Variants in CPAMD8 observed in about 807,000 individuals in gnomAD.
CPAMD8 encodes the protein C3 and PZP like alpha-2-macroglobulin domain containing 8, also known as C3 and PZP-like alpha-2-macroglobulin domain-containing protein 8.
A neutral mutation model predicts 224.7 loss-of-function variants in CPAMD8; 146 were observed. The observed-to-expected ratio is 0.65, with a 90% CI of 0.57 to 0.75. The LOEUF is 0.75. Ranked by LOEUF, CPAMD8 falls within the 30% of genes least tolerant of loss-of-function variation. CPAMD8 has a pLI of 0.00. For synonymous variants in CPAMD8, 966 were observed against 1,044.6 expected (o/e 0.92, Z 1.45); for missense variants, 2,301 against 2,537.5 (o/e 0.91, Z 2.00).
At chr19:16,908,885 A>G (rs2052620212) in intron 29 of CPAMD8, among the ~76,000 whole-genome samples, 1 of 152,146 alleles carries the variant, frequency 6.6e-6, no homozygotes. Context: ...TCCCAGGGGC[A>G]GGAACAGTGA....
chr19:16,998,457 C>G (rs145690275), intron 10 of CPAMD8, among the ~76,000 whole-genome samples: 1 of 152,020 alleles, frequency 6.6e-6, no homozygotes, highest in African/African-American at 2.4e-5. Flanking sequence ...GAGACTCCAT[C>G]TCAATAAATA....
intron 15 of CPAMD8, among the ~76,000 whole-genome samples, chr19:16,976,533 C>T (rs906728638): frequency 6.6e-6 from 1 of 152,036 alleles, no homozygotes; most frequent in Non-Finnish European, 1.5e-5. Flanking sequence ...CCAGAGGCAT[C>T]TCTTCTGCCC....
chr19:16,904,478 C>T lies in CPAMD8; in HGVS notation c.4102G>A (p.Val1368Ile), dbSNP rs144658452. ...GGGTGGCCAGTACCTGACTGAGAGA[C>T]CCTGTCACTGAAGCTCAAGAATGTG... Reference protein sequence around the residue: ...KGTFLSFSDRVSQSVVSAEVE... With the variant: ...KGTFLSFSDRISQSVVSAEVE... Residue 1368 changes from valine (V) to isoleucine (I), a missense_variant, in exon 31 of 42, where the codon GTC becomes ATC. Coordinates refer to ENST00000443236, the MANE Select transcript of CPAMD8 (RefSeq NM_015692.5). The T allele has an allele frequency of 6.2e-7, 1 of 1,614,118 alleles. No homozygotes were observed. Among genetic ancestry groups the T allele is most frequent in the Non-Finnish European group, 8.5e-7 (1 of 1,179,950 alleles).
Position 17,005,538 on chromosome 19 carries a change from C to T in CPAMD8, c.560-1152G>A, listed in dbSNP as rs115279943. Among the ~76,000 whole-genome samples the T allele has an allele frequency of 2.2e-3, 336 of 152,238 alleles. 1 individual carries two copies. The highest frequency in any genetic ancestry group is 7.7e-3 in the African/African-American group (318 of 41,538). ...TGCGCCTGTGCCTCTGAGCCCCGTCCGCAGCTGTTTTCACTGGGAGCCATG... is the reference window on the plus strand; with the variant it reads ...TGCGCCTGTGCCTCTGAGCCCCGTCTGCAGCTGTTTTCACTGGGAGCCATG... On this transcript the variant is annotated intron_variant, in intron 7 of 41. Transcript: ENST00000443236.
rs199701977 is a variant in CPAMD8, at chr19:16,903,646, G to C, written c.4408-23C>G. 5.5e-5 allele frequency: 89 copies of C among 1,614,110 alleles called. 1 individual carries two copies. The East Asian group carries it at 1.7e-3, about 32-fold the overall frequency. On this transcript the variant is annotated intron_variant, in intron 33 of 41. Transcript: ENST00000443236. ...GATCTGGAGACAGAAGTCACCGTGA[G>C]GCCCTGCTGACCCCTCCTCCAACAA... is the stretch of plus-strand genomic sequence containing the variant.
At chr19:16,904,176 A>AGGGGCCC in intron 32 of CPAMD8, 50 bp downstream of exon 32, 71 of 937,298 alleles carry the variant, frequency 7.6e-5, no homozygotes, top group Non-Finnish European at 1.1e-4. Context: ...GACTGCAGGG[A>AGGGGCCC]CCCCACCCAC....
At position 16,938,186 on chromosome 19, in the gene CPAMD8, T is replaced by C. The variant is rs2053761420; in HGVS notation, c.2845+209A>G. On this transcript the variant is annotated intron_variant, in intron 23 of 41. Coordinates refer to ENST00000443236, the MANE Select transcript of CPAMD8 (RefSeq NM_015692.5). ...ATTCCCTGAGTATTCATTCCCTGTG[T>C]ATTCATTCATTCATGCCCCACCCTC... Among the ~76,000 whole-genome samples the C allele has an allele frequency of 2.0e-5, 3 of 152,186 alleles. No individual in the cohort carries two copies. In the South Asian group the frequency reaches 6.2e-4, roughly 31 times the overall value.
In CPAMD8 at chr19:16,920,372, C is replaced by T. The variant is rs145040643; in HGVS notation, c.3629+1533G>A. Among the ~76,000 whole-genome samples the T allele has an allele frequency of 1.3e-3, 195 of 152,168 alleles. 2 individuals are homozygous for T. In the East Asian group the frequency reaches 0.033, roughly 25 times the overall value. ...GCGGGCGCCTGTATTCCCAGCTACT[C>T]GGGAGGCTGAGGCAGGAGAATGGCG... On this transcript the variant is annotated intron_variant, in intron 27 of 41. Transcript: ENST00000443236.
At chr19:16,919,890 C>T (rs1054272535) in intron 27 of CPAMD8, among the ~76,000 whole-genome samples, 4 of 152,150 alleles carry the variant, frequency 2.6e-5, no homozygotes, top group Admixed American at 1.3e-4. Context: ...GCTAACAGGA[C>T]GGCACTGCAC....
intron 27 of CPAMD8, among the ~76,000 whole-genome samples, chr19:16,915,413 G>GC (rs2052911502): frequency 6.6e-6 from 1 of 152,130 alleles, no homozygotes; most frequent in South Asian, 2.1e-4. Flanking sequence ...AAAAAAACGA[G>GC]CCCCAGTGCA....
chr19:16,972,329 A>G (rs957460966), intron 17 of CPAMD8, among the ~76,000 whole-genome samples: 8 of 152,130 alleles, frequency 5.3e-5, no homozygotes, highest in African/African-American at 1.9e-4. Flanking sequence ...ATGCCCGGCT[A>G]TGCAATTAGT....
intron 29 of CPAMD8, among the ~76,000 whole-genome samples, chr19:16,908,996 G>A (rs2052625297): frequency 6.6e-6 from 1 of 152,232 alleles, no homozygotes; most frequent in South Asian, 2.1e-4. Context: ...CAGCTGTGCA[G>A]ATCCTCCCGT....
At chr19:16,950,087 C>T (rs2054249681) in intron 20 of CPAMD8, among the ~76,000 whole-genome samples, 1 of 152,024 alleles carries the variant, frequency 6.6e-6, no homozygotes, top group Non-Finnish European at 1.5e-5. Context: ...GGCTTAAGGT[C>T]AGGAGTTCGA....
At chr19:17,026,483 C>T in intron 1 of CPAMD8, 68 bp downstream of exon 1, 3 of 1,426,834 alleles carry the variant, frequency 2.1e-6, no homozygotes, top group Non-Finnish European at 2.7e-6. Flanking sequence ...CTGCAACACT[C>T]TGAGCCAGTA....
chr19:17,002,260 T>C lies in CPAMD8; in HGVS notation c.758+6A>G. On this transcript the variant is annotated splice_donor_region_variant and intron_variant, in intron 9 of 41. Transcript: ENST00000443236. ...CCAGTGTGCCCCAGGGGTCCCTCTT[T>C]CTCACCTGGCCCGCACAGTGCCTGT... The C allele has an allele frequency of 6.3e-7, 1 of 1,582,754 alleles. No homozygotes were observed. The highest frequency in any genetic ancestry group is 8.6e-7 in the Non-Finnish European group (1 of 1,160,210).
rs1282830414 is a variant in CPAMD8 at position 16,952,101 on chromosome 19, G to C, written c.2376C>G (p.Gly792=). ...AVALSTSQGL[G]IAEPSLLKTF... is the part of the protein sequence containing the mutation. ...TCTTCAGCAGGGAGGGCTCGGCGAT[G>C]CCTAAGCCCTGAGAGGTGGACAGGG... Residue 792 remains glycine (G), a synonymous_variant, in exon 20 of 42, where the codon GGC becomes GGG. Transcript: ENST00000443236. 6.4e-7 allele frequency: 1 copy of C among 1,555,064 alleles called. No homozygotes were observed. Among genetic ancestry groups the C allele is most frequent in the Non-Finnish European group, 8.7e-7 (1 of 1,148,162 alleles).
chr19:16,926,590 A>G (rs2053369212), intron 25 of CPAMD8, among the ~76,000 whole-genome samples: 1 of 152,186 alleles, frequency 6.6e-6, no homozygotes, highest in Non-Finnish European at 1.5e-5. Context: ...TGCTGGGATT[A>G]CAGGCGTGAG....
intron 23 of CPAMD8, among the ~76,000 whole-genome samples, chr19:16,935,701 A>G (rs549352752): frequency 6.6e-6 from 1 of 152,320 alleles, no homozygotes; most frequent in East Asian, 1.9e-4. Context: ...TAAAGCTAAT[A>G]TGAACATCTA....
chr19:16,943,747 C>T lies in CPAMD8; in HGVS notation c.2793+1802G>A, dbSNP rs370404051. ...TATAAATGCCTGTGTGACAACAGCACGTGGGTCTTTAGTAGACAGGCCAGA... is the reference window on the plus strand; with the variant it reads ...TATAAATGCCTGTGTGACAACAGCATGTGGGTCTTTAGTAGACAGGCCAGA... On this transcript the variant is annotated intron_variant, in intron 22 of 41. Transcript: ENST00000443236. Among the ~76,000 whole-genome samples the T allele has an allele frequency of 2.0e-4, 31 of 152,292 alleles. No homozygotes were observed. In the East Asian group the frequency reaches 2.9e-3, roughly 14 times the overall value.
Sources: gnomAD v4.1 joint callset for allele counts (sites outside exome capture counted in the v4.1 genomes callset) on GRCh38, gnomAD v4.1.1 for gene constraint, MANE v1.5 for transcripts, NCBI Gene and HGNC (gene_info 2026-07-23, HGNC 2026-07-21) for gene names.